UHRF1: variants seen among roughly 807,000 people sequenced by gnomAD.
The protein encoded by UHRF1 is ubiquitin like with PHD and ring finger domains 1.
Under a neutral mutation model 96.5 loss-of-function variants are expected in UHRF1, and 9 were observed. That is an observed-to-expected ratio of 0.09 (90% confidence interval 0.06 to 0.16). The LOEUF (loss-of-function observed/expected upper bound fraction) is 0.16, where lower values mean the gene tolerates loss of function less well. UHRF1 is among the 10% of genes least tolerant of loss of function. The pLI is 1.00. For missense variants in UHRF1, 626 were observed against 1,131.1 expected (o/e 0.55, Z 6.40); for synonymous variants, 455 against 469.9 (o/e 0.97, Z 0.41).
At chr19:4,932,024 C>T (rs751435267) in intron 4 of UHRF1, among the ~76,000 whole-genome samples, 2 of 152,230 alleles carry the variant, frequency 1.3e-5, no homozygotes, top group East Asian at 3.9e-4. Flanking sequence ...CTCTGCCTCC[C>T]GGGTTCAAGC....
chr19:4,950,920 G>A lies in UHRF1; in HGVS notation c.1742G>A (p.Arg581Gln), dbSNP rs753917458. 7 of 1,613,334 alleles carry A rather than the reference G, an allele frequency of 4.3e-6. No individual in the cohort carries two copies. Among genetic ancestry groups the A allele is most frequent in the East Asian group, 2.2e-5 (1 of 44,888 alleles). Residue 581 changes from arginine (R) to glutamine (Q), a missense_variant, in exon 13 of 17, where the codon CGG becomes CAG. Coordinates refer to ENST00000650932, the MANE Select transcript of UHRF1 (RefSeq NM_001048201.3). ...SGFLVWRYLLRRDDDEPGPWT... is the reference protein window; with the variant it reads ...SGFLVWRYLLQRDDDEPGPWT... Reference sequence around the variant, plus strand: ...TTTCTCGTGTGGCGCTACCTTCTGCGGAGGGACGATGATGAGCCTGGCCCT... The same window carrying A: ...TTTCTCGTGTGGCGCTACCTTCTGCAGAGGGACGATGATGAGCCTGGCCCT...
At chr19:4,911,203 G>T (rs1272593024) in intron 2 of UHRF1, among the ~76,000 whole-genome samples, 165 bp downstream of exon 2, 1 of 151,930 alleles carries the variant, frequency 6.6e-6, no homozygotes, top group Non-Finnish European at 1.5e-5. Context: ...AAATGCCTGC[G>T]AGAGGAAGGA....
chr19:4,926,867 A>G (rs2032888635), intron 2 of UHRF1, among the ~76,000 whole-genome samples: 1 of 152,086 alleles, frequency 6.6e-6, no homozygotes, highest in Admixed American at 6.6e-5. Context: ...GATCGAGACC[A>G]TTCTGGCTAA....
intron 3 of UHRF1, 129 bp downstream of exon 3, chr19:4,929,605 A>G: frequency 7.4e-7 from 1 of 1,343,558 alleles, no homozygotes. Flanking sequence ...GAAATGGCCA[A>G]GGGGTGGTTT....
chr19:4,927,200 C>G (rs574696039), intron 2 of UHRF1, among the ~76,000 whole-genome samples: 2 of 151,796 alleles, frequency 1.3e-5, no homozygotes, highest in Admixed American at 6.6e-5. Context: ...GCCAACATGG[C>G]GAGACCCTGT....
At chr19:4,953,751 A>G (rs1599299570) in intron 13 of UHRF1, among the ~76,000 whole-genome samples, 2 of 152,208 alleles carry the variant, frequency 1.3e-5, no homozygotes, top group African/African-American at 4.8e-5. Context: ...TTTAATAAAA[A>G]TTAGAATGTT....
intron 10 of UHRF1, among the ~76,000 whole-genome samples, 193 bp downstream of exon 10, chr19:4,946,158 C>T (rs995602047): frequency 2.0e-5 from 3 of 152,232 alleles, no homozygotes; most frequent in East Asian, 1.9e-4. Context: ...CAAACTGAAA[C>T]GTTGTCTCCA....
At chr19:4,910,763 G>A (rs2032236148) in intron 1 of UHRF1, 113 bp from the exon 2 acceptor site, 1 of 1,316,442 alleles carries the variant, frequency 7.6e-7, no homozygotes, top group African/African-American at 1.5e-5. Flanking sequence ...GGGCATCCTG[G>A]GAGTTTCCTG....
chr19:4,917,111 G>GTTTTTTTTT (rs59815341), intron 2 of UHRF1, among the ~76,000 whole-genome samples: 2 of 77,190 alleles, frequency 2.6e-5, no homozygotes, highest in African/African-American at 5.0e-5. Context: ...TTAAGTTTTC[G>GTTTTTTTTT]TTTTTTTTTT....
At chr19:4,919,015 C>T (rs1344925231) in intron 2 of UHRF1, among the ~76,000 whole-genome samples, 1 of 149,168 alleles carries the variant, frequency 6.7e-6, no homozygotes, top group Non-Finnish European at 1.5e-5. Flanking sequence ...AGCCACTGCT[C>T]CTGACCTCAT....
rs192014658 is a variant in UHRF1 at position 4,934,075 on chromosome 19, G to A, written c.785+1119G>A. 7.6e-3 allele frequency among the ~76,000 whole-genome samples: 1,147 copies of A among 151,156 alleles called. 54 individuals carry two copies. The highest frequency in any genetic ancestry group is 2.0e-3 in the Non-Finnish European group (139 of 67,890). The stretch of plus-strand genomic sequence containing the variant: ...GTCTCCCTCTGTCGCCCAGGCTGGG[G>A]TATAGTGGCATGATCTTGGCTCACT... On this transcript the variant is annotated intron_variant, in intron 5 of 16. Transcript: ENST00000650932.
chr19:4,946,889 T>C (rs1293229224), intron 10 of UHRF1, among the ~76,000 whole-genome samples: 3 of 151,996 alleles, frequency 2.0e-5, no homozygotes, highest in Non-Finnish European at 4.4e-5. Flanking sequence ...TGTTTAAGTT[T>C]CTTGAGGACG....
At chr19:4,903,940 C>T (rs969362877) in intron 1 of UHRF1, among the ~76,000 whole-genome samples, 6 of 152,070 alleles carry the variant, frequency 3.9e-5, no homozygotes, top group African/African-American at 1.4e-4. Flanking sequence ...ATCTGAACAT[C>T]GACACCATCA....
intron 2 of UHRF1, among the ~76,000 whole-genome samples, chr19:4,917,072 G>T (rs940403568): frequency 7.9e-5 from 9 of 114,144 alleles, no homozygotes; most frequent in South Asian, 4.6e-4. Flanking sequence ...CAGCTCGGTG[G>T]GGGGGGGGGG....
At chr19:4,923,540 T>C (rs1354982057) in intron 2 of UHRF1, among the ~76,000 whole-genome samples, 1 of 150,714 alleles carries the variant, frequency 6.6e-6, no homozygotes, top group Non-Finnish European at 1.5e-5. Context: ...TGTGTGCCCC[T>C]CTCCCGCTGG....
At chr19:4,959,846 C>T (rs137859201) in intron 16 of UHRF1, among the ~76,000 whole-genome samples, 8 of 151,900 alleles carry the variant, frequency 5.3e-5, no homozygotes, top group Admixed American at 2.0e-4. Context: ...TAGCCACGCC[C>T]GGCTAATTTT....
At chr19:4,950,246 AT>A (rs202069408) in intron 11 of UHRF1, among the ~76,000 whole-genome samples, 10,814 of 143,180 alleles carry the variant, frequency 0.076, 487 homozygotes, top group East Asian at 0.16. Context: ...GAAATATTAA[AT>A]TTTTTTTTTT....
chr19:4,947,049 T>TC (rs2033587267), intron 10 of UHRF1, 56 bp from the exon 11 acceptor site: 1 of 1,358,680 alleles, frequency 7.4e-7, no homozygotes. Context: ...CAATGCAGTC[T>TC]CTTTTTTTTT....
At chr19:4,925,879 T>TTTC (rs10674369) in intron 2 of UHRF1, among the ~76,000 whole-genome samples, 51,884 of 150,872 alleles carry the variant, frequency 0.34, 9,387 homozygotes, top group African/African-American at 0.45. Flanking sequence ...TCTCACCTGT[T>TTTC]TTTTCTTTTC....
Sources: gnomAD v4.1 joint callset for allele counts (sites outside exome capture counted in the v4.1 genomes callset) on GRCh38, gnomAD v4.1.1 for gene constraint, MANE v1.5 for transcripts, NCBI Gene and HGNC (gene_info 2026-07-23, HGNC 2026-07-21) for gene names.